MAP2K1: variants seen among roughly 807,000 people sequenced by gnomAD.
MAP2K1 encodes the protein mitogen-activated protein kinase kinase 1, also known as dual specificity mitogen-activated protein kinase kinase 1.
A neutral mutation model predicts 46.3 loss-of-function variants in MAP2K1; 16 were observed. That is an observed-to-expected ratio of 0.35 (90% CI 0.23 to 0.52). The LOEUF is 0.52. MAP2K1 is among the 20% of genes least tolerant of loss of function. The pLI, the probability that MAP2K1 is intolerant of heterozygous loss-of-function variation, is 0.94. For missense variants in MAP2K1, 263 were observed against 497.1 expected, an observed-to-expected ratio of 0.53 and a Z score of 4.48; for synonymous variants, 183 against 185.6, an observed-to-expected ratio of 0.99 and a Z score of 0.11.
At chr15:66,423,850 G>A (rs2093450128) in intron 1 of MAP2K1, among the ~76,000 whole-genome samples, 1 of 151,674 alleles carries the variant, frequency 6.6e-6, no homozygotes, top group Admixed American at 6.6e-5. Context: ...CAGGTGATCT[G>A]CCCACCTTGA....
At chr15:66,453,086 GTTTC>G (rs1892078473) in intron 5 of MAP2K1, among the ~76,000 whole-genome samples, 1 of 152,290 alleles carries the variant, frequency 6.6e-6, no homozygotes, top group Admixed American at 6.5e-5. Flanking sequence ...TTAACACAGT[GTTTC>G]TTTCTAGTCC....
At chr15:66,412,468 A>G (rs2093413711) in intron 1 of MAP2K1, among the ~76,000 whole-genome samples, 1 of 152,206 alleles carries the variant, frequency 6.6e-6, no homozygotes, top group Non-Finnish European at 1.5e-5. Flanking sequence ...TCTTCTAGTC[A>G]AGGAAGCCAG....
chr15:66,469,535 G>A (rs114974741), intron 5 of MAP2K1, among the ~76,000 whole-genome samples: 2,141 of 117,664 alleles, frequency 0.018, 54 homozygotes, highest in African/African-American at 0.065. Flanking sequence ...ACTATTTTAG[G>A]TTTCTCATGC....
intron 10 of MAP2K1, 25 bp from the exon 11 acceptor site, chr15:66,490,477 C>T (rs534204493): frequency 1.6e-5 from 24 of 1,499,158 alleles, no homozygotes; most frequent in South Asian, 1.0e-4. Flanking sequence ...TTTAACACCA[C>T]GTCCTCTCGT....
At chr15:66,460,525 G>A (rs550923662) in intron 5 of MAP2K1, among the ~76,000 whole-genome samples, 10 of 152,294 alleles carry the variant, frequency 6.6e-5, no homozygotes, top group African/African-American at 2.4e-4. Context: ...CTACAACAAA[G>A]GGTTCCTGAT....
chr15:66,436,822 C>G lies in MAP2K1; in HGVS notation c.368C>G (p.Ser123Cys), dbSNP rs778650731. ...CTGCAGGTTCTGCATGAGTGCAACT[C>G]TCCGTACATCGTGGGCTTCTATGGT... is the stretch of plus-strand genomic sequence containing the variant. ...RELQVLHECN[S>C]PYIVGFYGAF... The change falls in exon 3 of 11, where the codon TCT becomes TGT. Residue 123 changes from serine (S) to cysteine (C), a missense_variant. Physicochemically the swap from Ser to Cys is moderately radical, Grantham distance 112. Coordinates refer to ENST00000307102, the MANE Select transcript of MAP2K1 (RefSeq NM_002755.4). The G allele has an allele frequency of 6.2e-7, 1 of 1,614,198 alleles. No individual in the cohort carries two copies. The highest frequency in any genetic ancestry group is 8.5e-7 in the Non-Finnish European group (1 of 1,180,018).
intron 5 of MAP2K1, among the ~76,000 whole-genome samples, chr15:66,471,251 T>G (rs1289723252): frequency 6.6e-6 from 1 of 152,184 alleles, no homozygotes; most frequent in Non-Finnish European, 1.5e-5. Context: ...ATTCCTTATA[T>G]TGGTTATATT....
At chr15:66,469,693 G>GACACACACACACAC (rs56197290) in intron 5 of MAP2K1, among the ~76,000 whole-genome samples, 2,950 of 84,846 alleles carry the variant, frequency 0.035, 150 homozygotes, top group South Asian at 0.046. Flanking sequence ...TCCTTTTAAA[G>GACACACACACACAC]ACACACACAC....
chr15:66,469,971 C>T (rs570800738), intron 5 of MAP2K1, among the ~76,000 whole-genome samples: 1 of 151,264 alleles, frequency 6.6e-6, no homozygotes, highest in African/African-American at 2.4e-5. Context: ...TCAGTTTGGC[C>T]TGGCTAGCAA....
chr15:66,391,079 G>A (rs1176221456), intron 1 of MAP2K1, among the ~76,000 whole-genome samples: 4 of 149,050 alleles, frequency 2.7e-5, no homozygotes, highest in Non-Finnish European at 5.9e-5. Context: ...TTTTTGGTAT[G>A]GGGGTCTTGG....
At chr15:66,402,176 T>G (rs1051265892) in intron 1 of MAP2K1, among the ~76,000 whole-genome samples, 3 of 152,254 alleles carry the variant, frequency 2.0e-5, no homozygotes, top group Admixed American at 2.0e-4. Context: ...CTGGGCATTA[T>G]GTATAGCATA....
intron 1 of MAP2K1, among the ~76,000 whole-genome samples, chr15:66,396,088 C>T (rs1346189481): frequency 6.6e-6 from 1 of 152,052 alleles, no homozygotes; most frequent in African/African-American, 2.4e-5. Context: ...CTCAGTGCAA[C>T]CTATGCCTCC....
intron 5 of MAP2K1, among the ~76,000 whole-genome samples, chr15:66,459,971 G>A (rs1395700794): frequency 6.6e-6 from 1 of 152,212 alleles, no homozygotes; most frequent in Admixed American, 6.5e-5. Flanking sequence ...GCTACACACA[G>A]GATTCTGTTC....
intron 4 of MAP2K1, among the ~76,000 whole-genome samples, chr15:66,443,606 C>T (rs1001693373): frequency 2.6e-5 from 4 of 152,130 alleles, no homozygotes; most frequent in South Asian, 2.1e-4. Context: ...CACAGTGGCT[C>T]GCACCTGTAA....
At chr15:66,419,911 C>G (rs1203550272) in intron 1 of MAP2K1, among the ~76,000 whole-genome samples, 1 of 149,176 alleles carries the variant, frequency 6.7e-6, no homozygotes, top group Non-Finnish European at 1.5e-5. Flanking sequence ...AAAAAAAAGT[C>G]TGTTGGCTTG....
chr15:66,455,072 C>G (rs1484063128), intron 5 of MAP2K1, among the ~76,000 whole-genome samples: 1 of 152,126 alleles, frequency 6.6e-6, no homozygotes, highest in Non-Finnish European at 1.5e-5. Context: ...ACTGTCCTCT[C>G]CTAGCCTTAT....
intron 6 of MAP2K1, among the ~76,000 whole-genome samples, chr15:66,484,038 G>T (rs116951158): frequency 2.0e-4 from 30 of 151,600 alleles, no homozygotes; most frequent in Admixed American, 1.4e-3. Context: ...ATGAGCCACC[G>T]CGCCTGGCTG....
rs1270951127 is a variant in MAP2K1 at position 66,484,621 on chromosome 15, G to A, written c.694-369G>A. On this transcript the variant is annotated intron_variant, in intron 6 of 10. Transcript: ENST00000307102. ...CCACAAGCTTCATGTTTCAGATTCA[G>A]TGACAAGATGAGCCTCTCATGCTGG... Among the ~76,000 whole-genome samples the A allele has an allele frequency of 3.9e-5, 6 of 152,338 alleles. No homozygotes were observed. In the East Asian group the frequency reaches 1.2e-3, roughly 29 times the overall value.
At chr15:66,468,964 A>G (rs1321831570) in intron 5 of MAP2K1, among the ~76,000 whole-genome samples, 1 of 133,052 alleles carries the variant, frequency 7.5e-6, no homozygotes, top group Non-Finnish European at 1.6e-5. Context: ...AAAAAAAAAA[A>G]TTTTTTTTTT....
Sources: gnomAD v4.1 joint callset for allele counts (sites outside exome capture counted in the v4.1 genomes callset) on GRCh38, gnomAD v4.1.1 for gene constraint, MANE v1.5 for transcripts, NCBI Gene and HGNC (gene_info 2026-07-23, HGNC 2026-07-21) for gene names.